The following SNRPB2 variants were observed in gnomAD, a reference collection of about 807,000 sequenced individuals.
The protein encoded by SNRPB2 is small nuclear ribonucleoprotein polypeptide B2, also known as U2 small nuclear ribonucleoprotein B''.
In SNRPB2, 16 loss-of-function variants were observed where a neutral mutation model predicts 26.3. The observed-to-expected ratio is 0.61, with a 90% CI of 0.41 to 0.92. The LOEUF is 0.92. Ranked by LOEUF, SNRPB2 falls within the 40% of genes least tolerant of loss-of-function variation. SNRPB2 has a pLI of 0.00. For synonymous variants in SNRPB2, 75 were observed against 89.0 expected, an observed-to-expected ratio of 0.84 and a Z score of 0.88; for missense variants, 179 against 268.1, an observed-to-expected ratio of 0.67 and a Z score of 2.32.
intron 1 of SNRPB2, chr20:16,730,976 C>T (rs758205294): frequency 4.6e-5 from 7 of 152,240 alleles, no homozygotes; most frequent in African/African-American, 9.7e-5. Flanking sequence ...TTCATTTAGT[C>T]TTCTGAGTTC....
chr20:16,735,759 A>G (rs1273043198), intron 3 of SNRPB2, among the ~76,000 whole-genome samples: 3 of 152,242 alleles, frequency 2.0e-5, no homozygotes, highest in Admixed American at 6.5e-5. Flanking sequence ...GTCCAGTCAC[A>G]TTATCTGTGA....
intron 3 of SNRPB2, among the ~76,000 whole-genome samples, chr20:16,735,331 T>TC (rs2122501790): frequency 6.6e-6 from 1 of 152,322 alleles, no homozygotes; most frequent in African/African-American, 2.4e-5. Flanking sequence ...AAAGTAGTAA[T>TC]TTGTAGGATT....
chr20:16,731,648 C>G lies in SNRPB2; in HGVS notation c.-35-20C>G. On this transcript the variant is annotated intron_variant, in intron 1 of 6. Transcript: ENST00000246071. Reference sequence around the variant, plus strand: ...TTATGCCACAGTCCAGTATAATTTACTCCTTCCTTTTTATAACAGATTTTT... The same window carrying G: ...TTATGCCACAGTCCAGTATAATTTAGTCCTTCCTTTTTATAACAGATTTTT... 4 of 1,601,256 alleles carry G rather than the reference C, an allele frequency of 2.5e-6. No homozygotes were observed. Among genetic ancestry groups the G allele is most frequent in the East Asian group, 2.2e-5 (1 of 44,608 alleles).
chr20:16,740,822 A>G, intron 6 of SNRPB2, 24 bp from the exon 7 acceptor site: 1 of 1,572,160 alleles, frequency 6.4e-7, no homozygotes. Context: ...TGCTGTATAC[A>G]TGAATTGTTT....
At chr20:16,738,099 TG>T (rs2072439836) in intron 4 of SNRPB2, among the ~76,000 whole-genome samples, 1 of 151,432 alleles carries the variant, frequency 6.6e-6, no homozygotes, top group Non-Finnish European at 1.5e-5. Context: ...TGTCTTTCTT[TG>T]AACAATTCAG....
intron 3 of SNRPB2, among the ~76,000 whole-genome samples, chr20:16,735,019 A>G (rs752512670): frequency 1.3e-5 from 2 of 152,152 alleles, no homozygotes; most frequent in African/African-American, 2.4e-5. Flanking sequence ...AGTTGCATGC[A>G]GGGATAAGCA....
intron 4 of SNRPB2, 33 bp downstream of exon 4, chr20:16,737,434 T>C (rs1347143847): frequency 1.2e-5 from 19 of 1,559,834 alleles, no homozygotes; most frequent in Non-Finnish European, 1.5e-5. Context: ...CTGTTTGTAT[T>C]GGTGTTAAAA....
rs191829377 is a variant in SNRPB2, at chr20:16,740,217, G to A, written c.430-108G>A. On this transcript the variant is annotated intron_variant, in intron 5 of 6. Coordinates refer to ENST00000246071, the MANE Select transcript of SNRPB2 (RefSeq NM_003092.5). The stretch of plus-strand genomic sequence containing the variant: ...TGTAAGGTTTTGATTTATTTCTCCA[G>A]TGTCATTGTTTTTCAGCTTTATTGT... 50 of 1,524,658 alleles carry A rather than the reference G, an allele frequency of 3.3e-5. No individual in the cohort carries two copies. The East Asian group carries it at 7.1e-4, about 22-fold the overall frequency. The allele number at this position is 1,524,658 out of a possible 1,614,324, so 94.4% of individuals were successfully genotyped here.
intron 3 of SNRPB2, among the ~76,000 whole-genome samples, chr20:16,734,383 A>G (rs2072411957): frequency 6.6e-6 from 1 of 152,168 alleles, no homozygotes. Context: ...CCGATCAGAA[A>G]TGAACAAAAT....
chr20:16,738,053 A>G lies in SNRPB2; in HGVS notation c.378+652A>G, dbSNP rs1277245241. ...GACTCTGTCTCAAAAAAAAAAAAAG[A>G]AAAAAAAAAACCCAAAAAACAAACA... On this transcript the variant is annotated intron_variant, in intron 4 of 6. Coordinates refer to ENST00000246071, the MANE Select transcript of SNRPB2 (RefSeq NM_003092.5). Among the ~76,000 whole-genome samples, 3 of 92,248 alleles carry G rather than the reference A, an allele frequency of 3.3e-5. No individual in the cohort carries two copies. In the South Asian group the frequency reaches 1.2e-3, roughly 38 times the overall value. 60.5% of individuals were successfully genotyped at this position (92,248 alleles called of 152,430 possible).
At chr20:16,730,459 G>C (rs1468459213) in intron 1 of SNRPB2, 1 of 152,246 alleles carries the variant, frequency 6.6e-6, no homozygotes, top group Non-Finnish European at 1.5e-5. Context: ...CGCAGCCCAC[G>C]ATCAAACCTC....
chr20:16,733,426 A>C (rs1248042007), intron 3 of SNRPB2, among the ~76,000 whole-genome samples: 1 of 152,236 alleles, frequency 6.6e-6, no homozygotes, highest in Non-Finnish European at 1.5e-5. Context: ...CCGCTGATCT[A>C]ACCCATTCAT....
intron 1 of SNRPB2, 22 bp from the exon 2 acceptor site, chr20:16,731,646 T>G: frequency 6.2e-7 from 1 of 1,600,358 alleles, no homozygotes; most frequent in South Asian, 1.1e-5. Context: ...CAGTATAATT[T>G]ACTCCTTCCT....
intron 4 of SNRPB2, among the ~76,000 whole-genome samples, chr20:16,737,718 T>C (rs2072435566): frequency 6.6e-6 from 1 of 152,172 alleles, no homozygotes; most frequent in Non-Finnish European, 1.5e-5. Flanking sequence ...GTAGTTATTA[T>C]CTTTAATCAT....
At chr20:16,740,518 G>A in intron 6 of SNRPB2, 105 bp downstream of exon 6, 1 of 1,502,890 alleles carries the variant, frequency 6.7e-7, no homozygotes, top group East Asian at 2.3e-5. Context: ...TTCCTTACAG[G>A]TTCATTGATT....
chr20:16,736,186 A>G (rs1159930909), intron 3 of SNRPB2, among the ~76,000 whole-genome samples: 1 of 152,208 alleles, frequency 6.6e-6, no homozygotes, highest in Non-Finnish European at 1.5e-5. Context: ...GATGAATCTC[A>G]AAGACATTAT....
intron 3 of SNRPB2, 31 bp from the exon 4 acceptor site, chr20:16,737,230 G>A (rs760852724): frequency 6.5e-7 from 1 of 1,547,210 alleles, no homozygotes; most frequent in Non-Finnish European, 8.7e-7. Flanking sequence ...TTCAGCATGA[G>A]AAGTAACCTG....
chr20:16,732,454 TG>T, intron 3 of SNRPB2, 118 bp downstream of exon 3: 4 of 612,350 alleles, frequency 6.5e-6, no homozygotes, highest in Non-Finnish European at 8.4e-6. Flanking sequence ...TATGTGTGTT[TG>T]GGTTTATGTA....
Position 16,742,141 on chromosome 20 carries a change from G to A in SNRPB2, c.*1136G>A, listed in dbSNP as rs1325999024. 6.6e-6 allele frequency: 1 copy of A among 152,124 alleles called. No individual in the cohort carries two copies. The highest frequency in any genetic ancestry group is 1.5e-5 in the Non-Finnish European group (1 of 68,032). 9.4% of individuals were successfully genotyped at this position (152,124 alleles called of 1,614,324 possible). Reference sequence around the variant, plus strand: ...AAATGTTTCCTATAACTTTGTCACAGTTAGTCTGACTCTTCTGAATAACTT... The same window carrying A: ...AAATGTTTCCTATAACTTTGTCACAATTAGTCTGACTCTTCTGAATAACTT... On this transcript the variant is annotated 3_prime_UTR_variant, in exon 7 of 7. Transcript: ENST00000246071.
Sources: gnomAD v4.1 joint callset for allele counts (sites outside exome capture counted in the v4.1 genomes callset) on GRCh38, gnomAD v4.1.1 for gene constraint, MANE v1.5 for transcripts, NCBI Gene and HGNC (gene_info 2026-07-23, HGNC 2026-07-21) for gene names.